RNLS: variants seen among roughly 807,000 people sequenced by gnomAD.
RNLS encodes renalase, FAD dependent amine oxidase.
Under a neutral mutation model 39.8 loss-of-function variants are expected in RNLS, and 39 were observed. The ratio of observed to expected loss-of-function variants is 0.98; its 90% CI spans 0.76 to 1.28. The LOEUF is 1.28. RNLS is among the 50% of genes most tolerant of loss of function. RNLS has a pLI of 0.00. For missense variants in RNLS, 410 were observed against 413.3 expected (o/e 0.99, Z 0.07); for synonymous variants, 147 against 150.7 (o/e 0.98, Z 0.18).
intron 4 of RNLS, among the ~76,000 whole-genome samples, chr10:88,478,050 G>A (rs1843924669): frequency 6.6e-6 from 1 of 152,162 alleles, no homozygotes; most frequent in African/African-American, 2.4e-5. Context: ...TAAAAGTAAA[G>A]AATTATTAAA....
At chr10:88,467,447 A>G (rs1248198902) in intron 4 of RNLS, among the ~76,000 whole-genome samples, 3 of 152,120 alleles carry the variant, frequency 2.0e-5, no homozygotes, top group African/African-American at 7.2e-5. Context: ...ATTTTTAAAA[A>G]TCTTAACAAC....
chr10:88,293,374 A>G lies in RNLS; in HGVS notation c.877-7868T>C, dbSNP rs117237933. Among the ~76,000 whole-genome samples the G allele has an allele frequency of 3.7e-3, 558 of 152,314 alleles. 3 individuals carry two copies. Among genetic ancestry groups the G allele is most frequent in the South Asian group, 0.026 (125 of 4,826 alleles). Reference sequence around the variant, plus strand: ...TAAGCCCATGCCATGGTACATAAACAGCAGAAATTGAATATTTGGTTAACT... The same window carrying G: ...TAAGCCCATGCCATGGTACATAAACGGCAGAAATTGAATATTTGGTTAACT... On this transcript the variant is annotated intron_variant, in intron 6 of 6. Transcript: ENST00000331772.
chr10:88,567,983 C>T (rs1849609269), intron 4 of RNLS, among the ~76,000 whole-genome samples: 1 of 152,184 alleles, frequency 6.6e-6, no homozygotes, highest in African/African-American at 2.4e-5. Flanking sequence ...TCCCACAGCC[C>T]TGAAGCCTTG....
intron 5 of RNLS, among the ~76,000 whole-genome samples, chr10:88,317,857 C>G (rs1845878926): frequency 6.6e-6 from 1 of 152,182 alleles, no homozygotes; most frequent in African/African-American, 2.4e-5. Flanking sequence ...CAGAGATTGA[C>G]CCCTGAGGAA....
At chr10:88,384,866 G>C (rs1041347702) in intron 4 of RNLS, among the ~76,000 whole-genome samples, 17 of 152,316 alleles carry the variant, frequency 1.1e-4, no homozygotes, top group African/African-American at 4.1e-4. Flanking sequence ...ACATTTAAAT[G>C]TGACTATTGC....
intron 4 of RNLS, among the ~76,000 whole-genome samples, chr10:88,550,870 T>C (rs564243456): frequency 6.6e-6 from 1 of 152,352 alleles, no homozygotes; most frequent in South Asian, 2.1e-4. Flanking sequence ...TTCAATGGTC[T>C]CATTTTACAG....
intron 5 of RNLS, among the ~76,000 whole-genome samples, chr10:88,342,020 G>A (rs1214877744): frequency 6.6e-6 from 1 of 151,966 alleles, no homozygotes; most frequent in Non-Finnish European, 1.5e-5. Context: ...TATTAGGTTG[G>A]TGCAAAAGTA....
chr10:88,398,331 A>G (rs1455053392), intron 4 of RNLS, among the ~76,000 whole-genome samples: 1 of 152,000 alleles, frequency 6.6e-6, no homozygotes, highest in African/African-American at 2.4e-5. Flanking sequence ...TGGGCTTTGG[A>G]GCATAGGGGA....
chr10:88,550,298 A>G (rs1420193004), intron 4 of RNLS, among the ~76,000 whole-genome samples: 1 of 151,984 alleles, frequency 6.6e-6, no homozygotes, highest in Admixed American at 6.6e-5. Flanking sequence ...TTGGTAACTG[A>G]TTTTTTTTCC....
At chr10:88,322,071 C>T (rs1403855541) in intron 5 of RNLS, among the ~76,000 whole-genome samples, 4 of 152,162 alleles carry the variant, frequency 2.6e-5, no homozygotes, top group East Asian at 3.8e-4. Context: ...CAAATTGAAT[C>T]TAGCTGCACA....
intron 4 of RNLS, 85 bp from the exon 5 acceptor site, chr10:88,362,810 G>C: frequency 4.0e-6 from 5 of 1,258,240 alleles, no homozygotes; most frequent in Non-Finnish European, 5.5e-6. Flanking sequence ...CTTTAAACCA[G>C]TTACAACAGC....
At chr10:88,191,794 T>C in the RNLS span, among the ~76,000 whole-genome samples, 4 of 152,212 alleles carry the variant, frequency 2.6e-5, no homozygotes, top group African/African-American at 9.6e-5. Flanking sequence ...GCTATTGCTG[T>C]GAGCCTTTGG....
the RNLS span, among the ~76,000 whole-genome samples, chr10:88,238,620 CT>C: frequency 6.6e-6 from 1 of 152,202 alleles, no homozygotes; most frequent in South Asian, 2.1e-4. Context: ...GGACTTGCTC[CT>C]TGTTCATTTC....
At chr10:88,343,532 C>T in intron 5 of RNLS, 1 of 983,462 alleles carries the variant, frequency 1.0e-6, no homozygotes, top group South Asian at 4.7e-5. Context: ...CCAAAAACAA[C>T]AAAAAAGGAG....
chr10:88,327,590 C>T (rs1846719550), intron 5 of RNLS, among the ~76,000 whole-genome samples: 1 of 152,160 alleles, frequency 6.6e-6, no homozygotes, highest in East Asian at 1.9e-4. Context: ...TATAAATTAT[C>T]TAGTCTCAGG....
chr10:88,537,719 A>G (rs2134268902), intron 4 of RNLS, among the ~76,000 whole-genome samples: 1 of 152,268 alleles, frequency 6.6e-6, no homozygotes, highest in Admixed American at 6.5e-5. Flanking sequence ...TGGGAGAGTT[A>G]GGGGCTGGAA....
intron 5 of RNLS, among the ~76,000 whole-genome samples, chr10:88,356,641 A>G (rs1849212484): frequency 6.6e-6 from 1 of 152,272 alleles, no homozygotes; most frequent in Non-Finnish European, 1.5e-5. Context: ...GATTCTAACA[A>G]TAAAATTCTT....
intron 4 of RNLS, among the ~76,000 whole-genome samples, chr10:88,466,877 A>G (rs1179612322): frequency 6.6e-6 from 1 of 152,182 alleles, no homozygotes; most frequent in Non-Finnish European, 1.5e-5. Context: ...TTAAAACCAC[A>G]TTTCACTTGC....
At chr10:88,547,224 T>C (rs1340461761) in intron 4 of RNLS, among the ~76,000 whole-genome samples, 1 of 152,230 alleles carries the variant, frequency 6.6e-6, no homozygotes, top group African/African-American at 2.4e-5. Flanking sequence ...TCACATTGAT[T>C]CATGATAGCA....
Sources: gnomAD v4.1 joint callset for allele counts (sites outside exome capture counted in the v4.1 genomes callset) on GRCh38, gnomAD v4.1.1 for gene constraint, MANE v1.5 for transcripts, NCBI Gene and HGNC (gene_info 2026-07-23, HGNC 2026-07-21) for gene names.